GPHN: variants seen among roughly 807,000 people sequenced by gnomAD.
The protein encoded by GPHN is gephyrin.
GPHN carries 17 observed loss-of-function variants against 95.5 expected under a neutral mutation model. The ratio of observed to expected loss-of-function variants is 0.18; its 90% confidence interval spans 0.12 to 0.27. The LOEUF (loss-of-function observed/expected upper bound fraction) is 0.27, where lower values mean the gene tolerates loss of function less well. GPHN is among the 10% of genes least tolerant of loss of function. The pLI is 1.00. For missense variants in GPHN, 660 were observed against 978.1 expected (o/e 0.67, Z 4.34); for synonymous variants, 320 against 322.5 (o/e 0.99, Z 0.08).
chr14:67,152,284 A>G (rs926892547), intron 18 of GPHN, among the ~76,000 whole-genome samples: 2 of 152,222 alleles, frequency 1.3e-5, no homozygotes, highest in African/African-American at 4.8e-5. Context: ...CACTTGCCAT[A>G]AATGTCATAT....
At chr14:67,292,747 T>C in the GPHN span, 3 of 1,561,708 alleles carry the variant, frequency 1.9e-6, no homozygotes, top group Non-Finnish European at 2.6e-6. Context: ...CTTGTTGATG[T>C]CTACAAGGTA....
intron 1 of GPHN, among the ~76,000 whole-genome samples, chr14:66,667,477 A>G (rs1328920245): frequency 6.6e-6 from 1 of 152,196 alleles, no homozygotes; most frequent in Non-Finnish European, 1.5e-5. Context: ...GGAACAGAAT[A>G]GAGAATCCAA....
chr14:66,785,705 C>A, intron 3 of GPHN, among the ~76,000 whole-genome samples: 1 of 141,254 alleles, frequency 7.1e-6, no homozygotes, highest in Non-Finnish European at 1.5e-5. Flanking sequence ...CATAATGGAA[C>A]CAAACCAAAA....
chr14:66,932,459 T>TG (rs1170265409), intron 8 of GPHN, among the ~76,000 whole-genome samples: 52 of 116,364 alleles, frequency 4.5e-4, no homozygotes, highest in African/African-American at 1.3e-3. Flanking sequence ...TTTTTTTTTT[T>TG]TTTTTTTTTT....
the GPHN span, among the ~76,000 whole-genome samples, chr14:67,283,238 G>A: frequency 6.6e-6 from 1 of 152,124 alleles, no homozygotes; most frequent in Non-Finnish European, 1.5e-5. Context: ...TTAATAGCAT[G>A]TTTCAGTCTT....
chr14:67,285,064 T>A, the GPHN span, among the ~76,000 whole-genome samples: 2 of 152,154 alleles, frequency 1.3e-5, no homozygotes, highest in African/African-American at 4.8e-5. Flanking sequence ...CACAGGTAGA[T>A]GTACTGGAAA....
At chr14:66,924,344 C>A in intron 8 of GPHN, 52 bp downstream of exon 8, 2 of 959,426 alleles carry the variant, frequency 2.1e-6, no homozygotes, top group Non-Finnish European at 3.4e-6. Flanking sequence ...TATTCTACTT[C>A]CTCTCCTTGG....
chr14:67,506,255 T>C, the GPHN span, among the ~76,000 whole-genome samples: 13,421 of 152,178 alleles, frequency 0.088, 632 homozygotes, highest in African/African-American at 0.11. Context: ...GTTGAGACTA[T>C]GCTTGTAAGA....
intron 2 of GPHN, among the ~76,000 whole-genome samples, chr14:66,732,200 A>G (rs527800063): frequency 5.9e-5 from 9 of 152,282 alleles, no homozygotes; most frequent in African/African-American, 2.2e-4. Context: ...GAGCTATGTG[A>G]GAAGAGGACC....
At chr14:66,802,125 G>A (rs2060377084) in intron 3 of GPHN, among the ~76,000 whole-genome samples, 1 of 152,140 alleles carries the variant, frequency 6.6e-6, no homozygotes. Flanking sequence ...AAAGTCCTTA[G>A]ATGTCCACCT....
At chr14:67,448,666 A>T in the GPHN span, among the ~76,000 whole-genome samples, 1 of 152,066 alleles carries the variant, frequency 6.6e-6, no homozygotes, top group Non-Finnish European at 1.5e-5. Flanking sequence ...GAGCAAAGGG[A>T]GACTACAGAC....
chr14:66,881,623 C>A (rs8022437), intron 5 of GPHN, among the ~76,000 whole-genome samples: 38,110 of 151,750 alleles, frequency 0.25, 9,690 homozygotes, highest in African/African-American at 0.62. Flanking sequence ...TTATTTCTTG[C>A]AACTGTTAAG....
chr14:67,314,151 C>T, the GPHN span, among the ~76,000 whole-genome samples: 6 of 151,602 alleles, frequency 4.0e-5, no homozygotes, highest in Non-Finnish European at 5.9e-5. Context: ...CTTAGCCTTA[C>T]ACTGGATTTG....
At chr14:67,325,314 T>G in the GPHN span, among the ~76,000 whole-genome samples, 1 of 152,202 alleles carries the variant, frequency 6.6e-6, no homozygotes, top group East Asian at 1.9e-4. Context: ...TTAATCTATA[T>G]GTGAGGTTAA....
chr14:66,796,442 TAG>T (rs2060160140), intron 3 of GPHN, among the ~76,000 whole-genome samples: 1 of 152,080 alleles, frequency 6.6e-6, no homozygotes, highest in Non-Finnish European at 1.5e-5. Context: ...CTATTCTTCA[TAG>T]AGTTTGTAAT....
chr14:66,666,642 A>C (rs1324801123), intron 1 of GPHN, among the ~76,000 whole-genome samples: 2 of 152,190 alleles, frequency 1.3e-5, no homozygotes, highest in East Asian at 3.8e-4. Flanking sequence ...ACCTCAAACT[A>C]ATAAGAGCCA....
the GPHN span, among the ~76,000 whole-genome samples, chr14:67,399,850 G>C: frequency 4.9e-4 from 75 of 152,346 alleles, no homozygotes; most frequent in Admixed American, 1.2e-3. Flanking sequence ...CAGTGGATGG[G>C]GAAATGTCTG....
chr14:67,177,623 T>C (rs532062240), intron 21 of GPHN, among the ~76,000 whole-genome samples: 5 of 152,226 alleles, frequency 3.3e-5, no homozygotes, highest in Admixed American at 6.5e-5. Flanking sequence ...GTTCAAGTCC[T>C]GGATATCCTT....
the GPHN span, among the ~76,000 whole-genome samples, chr14:67,210,003 A>G: frequency 6.9e-3 from 1,046 of 152,272 alleles, 18 homozygotes; most frequent in African/African-American, 0.024. Context: ...AATACAAGTT[A>G]AGCAATTACC....
Sources: allele counts gnomAD v4.1 joint callset (sites outside exome capture counted in the v4.1 genomes callset), GRCh38; gene constraint gnomAD v4.1.1; transcripts MANE v1.5; gene names NCBI Gene and HGNC (gene_info 2026-07-23, HGNC 2026-07-21).